PSD3: variants seen among roughly 807,000 people sequenced by gnomAD.
PSD3 encodes pleckstrin and Sec7 domain containing 3, also known as PH and SEC7 domain-containing protein 3.
Under a neutral mutation model 105.5 loss-of-function variants are expected in PSD3, and 49 were observed. The observed-to-expected ratio is 0.46, with a 90% CI of 0.37 to 0.59. The LOEUF is 0.59. PSD3 is among the 20% of genes least tolerant of loss of function. The pLI is 0.00. For missense variants in PSD3, 1,561 were observed against 1,263.8 expected (o/e 1.24, Z -3.57); for synonymous variants, 557 against 457.8 (o/e 1.22, Z -2.77).
intron 15 of PSD3, among the ~76,000 whole-genome samples, chr8:18,555,791 G>A (rs1483439318): frequency 1.3e-5 from 2 of 152,198 alleles, no homozygotes; most frequent in East Asian, 1.9e-4. Flanking sequence ...CGAACAGCAA[G>A]AATGTGCAGG....
intron 9 of PSD3, among the ~76,000 whole-genome samples, chr8:18,709,015 C>G (rs1802073412): frequency 6.6e-6 from 1 of 152,158 alleles, no homozygotes; most frequent in African/African-American, 2.4e-5. Context: ...GCTACCAGGG[C>G]CTTGGGTCCC....
intron 1 of PSD3, among the ~76,000 whole-genome samples, chr8:19,066,276 G>C (rs917904733): frequency 1.3e-5 from 2 of 152,156 alleles, no homozygotes; most frequent in African/African-American, 4.8e-5. Flanking sequence ...TAGAAAATTT[G>C]ATTACACAAT....
intron 2 of PSD3, among the ~76,000 whole-genome samples, chr8:18,913,241 CCTCT>C (rs1241075434): frequency 1.3e-5 from 2 of 152,020 alleles, no homozygotes; most frequent in Non-Finnish European, 2.9e-5. Context: ...TTTTGAAAAT[CCTCT>C]CTCTCGTTTT....
chr8:18,848,260 A>C (rs1412284571), intron 4 of PSD3, among the ~76,000 whole-genome samples: 1 of 152,202 alleles, frequency 6.6e-6, no homozygotes, highest in Non-Finnish European at 1.5e-5. Flanking sequence ...GTTTTCCTAA[A>C]ACTGAACGCA....
At chr8:18,843,954 G>A (rs935379314) in intron 4 of PSD3, among the ~76,000 whole-genome samples, 8 of 148,552 alleles carry the variant, frequency 5.4e-5, no homozygotes, top group Admixed American at 2.0e-4. Context: ...AATACTGTCA[G>A]GAAATGGGCA....
At chr8:19,076,251 T>C (rs1450231965) in intron 1 of PSD3, among the ~76,000 whole-genome samples, 1 of 152,210 alleles carries the variant, frequency 6.6e-6, no homozygotes, top group Non-Finnish European at 1.5e-5. Flanking sequence ...CAGTTGAAAA[T>C]ATTTATTTTA....
chr8:18,950,769 G>C (rs955866497), intron 1 of PSD3, among the ~76,000 whole-genome samples: 8 of 151,796 alleles, frequency 5.3e-5, no homozygotes, highest in Non-Finnish European at 8.8e-5. Flanking sequence ...GACCCATTTG[G>C]TCACTGACCT....
At chr8:19,058,936 T>C (rs925280153) in intron 1 of PSD3, among the ~76,000 whole-genome samples, 2 of 152,166 alleles carry the variant, frequency 1.3e-5, no homozygotes, top group African/African-American at 4.8e-5. Context: ...TGGGCACCCA[T>C]AGCTGGCCCT....
intron 2 of PSD3, among the ~76,000 whole-genome samples, chr8:18,923,970 A>G (rs976035408): frequency 6.7e-5 from 10 of 149,864 alleles, no homozygotes; most frequent in Non-Finnish European, 4.4e-5. Context: ...CTTGTAGACA[A>G]AAACACTGAA....
intron 9 of PSD3, among the ~76,000 whole-genome samples, chr8:18,743,767 T>A (rs1585803060): frequency 9.9e-6 from 1 of 100,964 alleles, no homozygotes; most frequent in African/African-American, 4.0e-5. Context: ...AAAGACCCTG[T>A]CTCTATTAAA....
chr8:18,845,934 C>A (rs1272595123), intron 4 of PSD3, among the ~76,000 whole-genome samples: 1 of 152,162 alleles, frequency 6.6e-6, no homozygotes, highest in Non-Finnish European at 1.5e-5. Flanking sequence ...TAATTAAATG[C>A]ATTTGTAATA....
At position 18,894,129 on chromosome 8, in the gene PSD3, C is replaced by A. The variant is rs184122723; in HGVS notation, c.131-21396G>T. 2.4e-4 allele frequency among the ~76,000 whole-genome samples: 36 copies of A among 152,270 alleles called. No individual in the cohort carries two copies. The East Asian group carries it at 6.4e-3, about 27-fold the overall frequency. ...TATTACTACCAGTGCTGGGAACCAG[C>A]CTTTGCTACATTACCATGTGATTTG... On this transcript the variant is annotated intron_variant, in intron 2 of 15. Transcript: ENST00000327040.
intron 2 of PSD3, among the ~76,000 whole-genome samples, chr8:18,908,593 C>T (rs927440500): frequency 6.6e-6 from 1 of 152,202 alleles, no homozygotes; most frequent in African/African-American, 2.4e-5. Context: ...TCCTGATCAT[C>T]TCAAACAGTC....
At chr8:18,620,874 C>T (rs1806063895) in intron 11 of PSD3, among the ~76,000 whole-genome samples, 1 of 152,172 alleles carries the variant, frequency 6.6e-6, no homozygotes, top group Admixed American at 6.5e-5. Context: ...AAGAATTTGA[C>T]ACACTGCATT....
At chr8:18,821,631 G>A (rs182650017) in intron 4 of PSD3, among the ~76,000 whole-genome samples, 70 of 150,112 alleles carry the variant, frequency 4.7e-4, no homozygotes, top group Middle Eastern at 3.4e-3. Flanking sequence ...AAACACTGCT[G>A]CAGATAATAT....
intron 9 of PSD3, among the ~76,000 whole-genome samples, chr8:18,667,129 C>A (rs539717281): frequency 5.7e-4 from 87 of 152,252 alleles, no homozygotes; most frequent in Non-Finnish European, 4.0e-4. Flanking sequence ...CGAGTTGCCA[C>A]TGGTGGCTCA....
intron 4 of PSD3, among the ~76,000 whole-genome samples, chr8:18,814,466 G>A (rs1812033877): frequency 6.6e-6 from 1 of 152,300 alleles, no homozygotes; most frequent in South Asian, 2.1e-4. Flanking sequence ...CTAGGGGCAT[G>A]ATGCAGGTTT....
intron 12 of PSD3, among the ~76,000 whole-genome samples, chr8:18,590,403 CAT>C (rs1232162640): frequency 6.6e-6 from 1 of 152,090 alleles, no homozygotes; most frequent in African/African-American, 2.4e-5. Context: ...AGTGGAAGGA[CAT>C]GTGTTCGTGG....
In PSD3 at chr8:18,871,967, C is replaced by G. The variant is rs747126272; in HGVS notation, c.897G>C (p.Val299=). ...ACAGTATTTCCACTCCTTGAAATTC[C>G]ACATGTTTGACCCGGCCTGGGCGTC... The part of the protein sequence containing the change: ...SMGRPGRVKH[V]EFQGVEILWT... The change falls in exon 3 of 16, where the codon GTG becomes GTC. Residue 299 remains valine (V), a synonymous_variant. Transcript: ENST00000327040. 9.9e-6 allele frequency: 16 copies of G among 1,614,116 alleles called. No homozygotes were observed. The highest frequency in any genetic ancestry group is 1.2e-5 in the Non-Finnish European group (14 of 1,180,022).
Sources: gnomAD v4.1 joint callset for allele counts (sites outside exome capture counted in the v4.1 genomes callset) on GRCh38, gnomAD v4.1.1 for gene constraint, MANE v1.5 for transcripts, NCBI Gene and HGNC (gene_info 2026-07-23, HGNC 2026-07-21) for gene names.